The following RAB31 variants were observed in gnomAD, a reference collection of about 807,000 sequenced individuals.
The protein encoded by RAB31 is RAB31, member RAS oncogene family.
RAB31 carries 21 observed loss-of-function variants against 25.6 expected under a neutral mutation model. The ratio of observed to expected loss-of-function variants is 0.82; its 90% CI spans 0.58 to 1.18. RAB31 has a LOEUF of 1.18. Ranked by LOEUF, RAB31 falls within the 50% of genes most tolerant of loss-of-function variation. The pLI, the probability that RAB31 is intolerant of heterozygous loss-of-function variation, is 0.00. For synonymous variants in RAB31, 87 were observed against 84.0 expected, an observed-to-expected ratio of 1.04 and a Z score of -0.20; for missense variants, 196 against 250.1, an observed-to-expected ratio of 0.78 and a Z score of 1.46.
intron 6 of RAB31, among the ~76,000 whole-genome samples, chr18:9,857,737 T>C (rs561632697): frequency 7.9e-5 from 12 of 151,020 alleles, no homozygotes; most frequent in Admixed American, 4.0e-4. Context: ...GATATAGATA[T>C]TCATTTTAGC....
At chr18:9,824,200 A>G (rs914004521) in intron 5 of RAB31, among the ~76,000 whole-genome samples, 22 of 150,808 alleles carry the variant, frequency 1.5e-4, no homozygotes, top group Admixed American at 1.5e-3. Flanking sequence ...ATATGTGTGG[A>G]TGTAGATGTG....
intron 1 of RAB31, among the ~76,000 whole-genome samples, chr18:9,757,623 C>T (rs768566207): frequency 3.9e-5 from 6 of 152,008 alleles, no homozygotes; most frequent in African/African-American, 7.3e-5. Context: ...TCCAGGACAC[C>T]GCATGCTGGG....
intron 1 of RAB31, among the ~76,000 whole-genome samples, chr18:9,746,970 A>G (rs994536517): frequency 1.3e-5 from 2 of 152,240 alleles, no homozygotes; most frequent in African/African-American, 4.8e-5. Context: ...TAAGAAAGTG[A>G]AAAGACAGCC....
At chr18:9,812,187 T>C (rs2068575771) in intron 3 of RAB31, among the ~76,000 whole-genome samples, 2 of 152,194 alleles carry the variant, frequency 1.3e-5, no homozygotes, top group Admixed American at 1.3e-4. Context: ...CACCTCCTAA[T>C]ACCGCCACGT....
chr18:9,768,961 C>T (rs1014916922), intron 1 of RAB31, among the ~76,000 whole-genome samples: 1 of 152,138 alleles, frequency 6.6e-6, no homozygotes, highest in Non-Finnish European at 1.5e-5. Flanking sequence ...AATCCTTTCC[C>T]CATTGCTTGT....
At chr18:9,827,178 T>C (rs2068653965) in intron 5 of RAB31, among the ~76,000 whole-genome samples, 1 of 152,136 alleles carries the variant, frequency 6.6e-6, no homozygotes, top group Non-Finnish European at 1.5e-5. Context: ...TCATGGCTTC[T>C]AATGGAACTG....
chr18:9,730,461 A>G (rs1340017826), intron 1 of RAB31, among the ~76,000 whole-genome samples: 1 of 151,432 alleles, frequency 6.6e-6, no homozygotes, highest in Non-Finnish European at 1.5e-5. Flanking sequence ...TAATTTTTGT[A>G]TTTTTTTTAG....
At chr18:9,814,326 G>A (rs1426531240) in intron 4 of RAB31, among the ~76,000 whole-genome samples, 3 of 152,098 alleles carry the variant, frequency 2.0e-5, no homozygotes, top group Non-Finnish European at 4.4e-5. Flanking sequence ...GTACTATTCT[G>A]CAGAATGTCA....
intron 2 of RAB31, among the ~76,000 whole-genome samples, chr18:9,785,920 G>A (rs2068429580): frequency 6.6e-6 from 1 of 152,166 alleles, no homozygotes; most frequent in South Asian, 2.1e-4. Context: ...AATTAGCCAG[G>A]TGTGGTGGTG....
chr18:9,760,421 C>T (rs569963460), intron 1 of RAB31, among the ~76,000 whole-genome samples: 8 of 152,302 alleles, frequency 5.3e-5, no homozygotes, highest in South Asian at 2.1e-4. Context: ...AGTCCTCCCA[C>T]GTAAGCCTCC....
chr18:9,855,337 A>G (rs529702562), intron 6 of RAB31, among the ~76,000 whole-genome samples: 3 of 152,300 alleles, frequency 2.0e-5, no homozygotes, highest in Non-Finnish European at 2.9e-5. Flanking sequence ...CCTCAAATTT[A>G]TGCTCAAGGA....
At chr18:9,855,135 G>A (rs1324406184) in intron 6 of RAB31, among the ~76,000 whole-genome samples, 1 of 152,132 alleles carries the variant, frequency 6.6e-6, no homozygotes, top group Non-Finnish European at 1.5e-5. Flanking sequence ...GCCCAGTTCC[G>A]AGCCAGGATA....
At chr18:9,741,501 G>T (rs1172799967) in intron 1 of RAB31, among the ~76,000 whole-genome samples, 11 of 152,106 alleles carry the variant, frequency 7.2e-5, no homozygotes, top group Non-Finnish European at 1.2e-4. Flanking sequence ...GATCACAAGG[G>T]CTGGAGTTGC....
chr18:9,740,772 C>G (rs1334608519), intron 1 of RAB31, among the ~76,000 whole-genome samples: 1 of 152,098 alleles, frequency 6.6e-6, no homozygotes. Context: ...ACTGTGCTCA[C>G]ACATCTTCTG....
Position 9,766,280 on chromosome 18 carries a change from C to T in RAB31, c.40-8998C>T, listed in dbSNP as rs923302748. Reference sequence around the variant, plus strand: ...ACCCTCCTGCTCCAAGATGTGGAGGCGCCTTCCTGCGTGACCTCATCTCTG... The same window carrying T: ...ACCCTCCTGCTCCAAGATGTGGAGGTGCCTTCCTGCGTGACCTCATCTCTG... On this transcript the variant is annotated intron_variant, in intron 1 of 6. Coordinates refer to ENST00000578921, the MANE Select transcript of RAB31 (RefSeq NM_006868.4). The surrounding 1 kb of genome is among the most constrained non-coding windows in gnomAD (Gnocchi z 4.3). 2.0e-5 allele frequency among the ~76,000 whole-genome samples: 3 copies of T among 152,174 alleles called. No homozygotes were observed. The highest frequency in any genetic ancestry group is 4.8e-5 in the African/African-American group (2 of 41,448).
At chr18:9,713,506 A>G (rs1220893290) in intron 1 of RAB31, among the ~76,000 whole-genome samples, 3 of 152,130 alleles carry the variant, frequency 2.0e-5, no homozygotes, top group Non-Finnish European at 4.4e-5. Context: ...ACTGTGTCTT[A>G]TGCACCCATC....
chr18:9,722,254 G>T (rs1276240772), intron 1 of RAB31, among the ~76,000 whole-genome samples: 3 of 152,170 alleles, frequency 2.0e-5, no homozygotes, highest in South Asian at 4.1e-4. Flanking sequence ...TTATGAGATT[G>T]CCCTGGCAGC....
chr18:9,744,619 C>T (rs977045999), intron 1 of RAB31, among the ~76,000 whole-genome samples: 2 of 151,968 alleles, frequency 1.3e-5, no homozygotes, highest in African/African-American at 4.8e-5. Context: ...AAGAATGGGC[C>T]CTAACAAGAG....
chr18:9,764,706 T>C (rs1454362998), intron 1 of RAB31, among the ~76,000 whole-genome samples: 1 of 152,166 alleles, frequency 6.6e-6, no homozygotes, highest in Non-Finnish European at 1.5e-5. Flanking sequence ...GCCATTTTTT[T>C]GTATCTTAAA....
Sources: gnomAD v4.1 joint callset for allele counts (sites outside exome capture counted in the v4.1 genomes callset) on GRCh38, gnomAD v4.1.1 for gene constraint, Gnocchi (gnomAD v3.1) non-coding constraint, MANE v1.5 for transcripts, NCBI Gene and HGNC (gene_info 2026-07-23, HGNC 2026-07-21) for gene names.